SLC25A48: variants seen among roughly 807,000 people sequenced by gnomAD.
SLC25A48 encodes the protein CTC-321K16.1.
A neutral mutation model predicts 32.2 loss-of-function variants in SLC25A48; 29 were observed. That is an observed-to-expected ratio of 0.90 (90% confidence interval 0.67 to 1.23). The LOEUF is 1.23. SLC25A48 is among the 50% of genes most tolerant of loss of function. SLC25A48 has a pLI of 0.00. For missense variants in SLC25A48, 399 were observed against 422.7 expected (o/e 0.94, Z 0.49); for synonymous variants, 164 against 172.3 (o/e 0.95, Z 0.38).
intron 3 of SLC25A48, among the ~76,000 whole-genome samples, chr5:135,673,536 A>T (rs1280755655): frequency 6.6e-6 from 1 of 152,130 alleles, no homozygotes; most frequent in Non-Finnish European, 1.5e-5. Flanking sequence ...ATATCTGCTC[A>T]AAAACTTTCT....
intron 1 of SLC25A48, among the ~76,000 whole-genome samples, chr5:135,614,293 A>G (rs1752138468): frequency 6.6e-6 from 1 of 152,210 alleles, no homozygotes; most frequent in Admixed American, 6.5e-5. Context: ...CTACAACATT[A>G]CTGAATTTAT....
intron 1 of SLC25A48, among the ~76,000 whole-genome samples, chr5:135,835,911 G>T (rs1758467825): frequency 6.6e-6 from 1 of 150,660 alleles, no homozygotes; most frequent in South Asian, 2.1e-4. Flanking sequence ...AGCAGAGGTG[G>T]CTCCTTTCAC....
At chr5:135,724,217 T>C (rs1755036126) in intron 3 of SLC25A48, among the ~76,000 whole-genome samples, 1 of 152,250 alleles carries the variant, frequency 6.6e-6, no homozygotes, top group African/African-American at 2.4e-5. Context: ...ACTCTAAATA[T>C]TATTTTTGCA....
At chr5:135,609,736 G>GA (rs1321444043) in intron 1 of SLC25A48, 11 of 152,104 alleles carry the variant, frequency 7.2e-5, no homozygotes, top group Admixed American at 5.9e-4. Flanking sequence ...TAGGTAAGTG[G>GA]AAAAAGCAAA....
At chr5:135,691,006 A>G (rs73285058) in intron 3 of SLC25A48, among the ~76,000 whole-genome samples, 1,651 of 152,044 alleles carry the variant, frequency 0.011, 39 homozygotes, top group African/African-American at 0.038. Flanking sequence ...AGTTTTACAT[A>G]TGAATTTCTG....
rs543383867 is a variant in SLC25A48, at chr5:135,685,772, A to G, written c.-521+50816A>G. Among the ~76,000 whole-genome samples the G allele has an allele frequency of 9.8e-5, 15 of 152,336 alleles. No homozygotes were observed. The South Asian group carries it at 3.1e-3, about 32-fold the overall frequency. Reference sequence around the variant, plus strand: ...AGGTTCTGCGGCATTTCTGATTCCTATACATGACCTGTGTTCTTCCATCCA... The same window carrying G: ...AGGTTCTGCGGCATTTCTGATTCCTGTACATGACCTGTGTTCTTCCATCCA... On this transcript the variant is annotated intron_variant, in intron 3 of 10. Coordinates refer to the SLC25A48 transcript ENST00000646290.
intron 3 of SLC25A48, among the ~76,000 whole-genome samples, chr5:135,653,031 T>C (rs1455913374): frequency 6.6e-6 from 1 of 152,214 alleles, no homozygotes; most frequent in Admixed American, 6.5e-5. Flanking sequence ...TCCACTCTTC[T>C]GCCATGTGAG....
chr5:135,585,609 T>A (rs1334748697), intron 1 of SLC25A48, among the ~76,000 whole-genome samples: 2 of 152,158 alleles, frequency 1.3e-5, no homozygotes, highest in Non-Finnish European at 2.9e-5. Context: ...AGGTGCTCAA[T>A]GAAGAAATGA....
At chr5:135,864,608 G>C (rs184116806) in intron 4 of SLC25A48, among the ~76,000 whole-genome samples, 1 of 152,334 alleles carries the variant, frequency 6.6e-6, no homozygotes, top group African/African-American at 2.4e-5. Context: ...GGCAGCCCAG[G>C]AGTGAAGGGA....
chr5:135,831,473 T>C (rs1758208679), upstream of SLC25A48, among the ~76,000 whole-genome samples: 1 of 152,150 alleles, frequency 6.6e-6, no homozygotes, highest in Non-Finnish European at 1.5e-5. Flanking sequence ...GATACAGATA[T>C]GCTCAGAATA....
At chr5:135,803,955 T>C (rs1757398050) in intron 3 of SLC25A48, among the ~76,000 whole-genome samples, 1 of 151,638 alleles carries the variant, frequency 6.6e-6, no homozygotes, top group Non-Finnish European at 1.5e-5. Context: ...CACTGTGTTC[T>C]TAATATTCTA....
chr5:135,828,042 G>A (rs1159016419), intron 4 of SLC25A48, among the ~76,000 whole-genome samples: 1 of 152,258 alleles, frequency 6.6e-6, no homozygotes, highest in Non-Finnish European at 1.5e-5. Context: ...CGAGAGCCCT[G>A]CAGTAGCCTG....
chr5:135,729,811 T>C (rs971986965), intron 3 of SLC25A48, among the ~76,000 whole-genome samples: 1 of 152,216 alleles, frequency 6.6e-6, no homozygotes, highest in Admixed American at 6.5e-5. Flanking sequence ...TTATATAAAA[T>C]TTGTGTTAAA....
intron 4 of SLC25A48, among the ~76,000 whole-genome samples, chr5:135,816,604 T>G (rs1757724896): frequency 6.6e-6 from 1 of 152,232 alleles, no homozygotes; most frequent in African/African-American, 2.4e-5. Context: ...GAATGACTAG[T>G]GTAGTTTCTG....
chr5:135,683,926 G>A (rs1753959110), intron 3 of SLC25A48, among the ~76,000 whole-genome samples: 1 of 152,088 alleles, frequency 6.6e-6, no homozygotes. Flanking sequence ...AGCAGGCCAT[G>A]TGGTAAACAT....
Position 135,777,272 on chromosome 5 carries a change from G to A in SLC25A48, c.-520-35251G>A, listed in dbSNP as rs1456969049. ...ATTGTTTCTAATACCTAGAGGGGTAGTAGATGATATTAACTTCCAATATCG... is the reference window on the plus strand; with the variant it reads ...ATTGTTTCTAATACCTAGAGGGGTAATAGATGATATTAACTTCCAATATCG... On this transcript the variant is annotated intron_variant, in intron 3 of 10. Transcript: ENST00000646290. Among the ~76,000 whole-genome samples, 3 of 151,842 alleles carry A rather than the reference G, an allele frequency of 2.0e-5. No individual in the cohort carries two copies. The South Asian group carries it at 6.2e-4, about 32-fold the overall frequency.
chr5:135,755,033 G>T (rs1332982813), intron 3 of SLC25A48, among the ~76,000 whole-genome samples: 1 of 151,724 alleles, frequency 6.6e-6, no homozygotes, highest in Non-Finnish European at 1.5e-5. Flanking sequence ...ATAATATCCA[G>T]TGTTTACACA....
At chr5:135,874,863 G>A (rs1036522804) in intron 6 of SLC25A48, 9 of 490,600 alleles carry the variant, frequency 1.8e-5, no homozygotes, top group East Asian at 1.0e-4. Flanking sequence ...TTGCTTGCAC[G>A]GGCTCCTTGC....
chr5:135,873,425 C>A (rs896523385), intron 5 of SLC25A48, among the ~76,000 whole-genome samples: 3 of 152,188 alleles, frequency 2.0e-5, no homozygotes, highest in African/African-American at 7.2e-5. Flanking sequence ...TTCTATTCCA[C>A]ATACTTGAAA....
Sources: gnomAD v4.1 joint callset for allele counts (sites outside exome capture counted in the v4.1 genomes callset) on GRCh38, gnomAD v4.1.1 for gene constraint, MANE v1.5 for transcripts, NCBI Gene and HGNC (gene_info 2026-07-23, HGNC 2026-07-21) for gene names.